F8: variants seen among roughly 807,000 people sequenced by gnomAD.
F8 encodes the protein antihemophilic factor.
F8 carries 12 observed loss-of-function variants against 140.6 expected under a neutral mutation model. The observed-to-expected ratio is 0.09, with a 90% CI of 0.05 to 0.14. F8 has a LOEUF of 0.14. Among genes scored for constraint, F8 ranks in the 10% least tolerant of loss-of-function variants. F8 has a pLI of 1.00. For synonymous variants in F8, 585 were observed against 614.6 expected, an observed-to-expected ratio of 0.95 and a Z score of 0.71; for missense variants, 1,354 against 1,720.7, an observed-to-expected ratio of 0.79 and a Z score of 3.77.
chrX:154,841,835 A>G lies in F8; in HGVS notation c.6901-4083T>C, dbSNP rs782182971. ...CCATATTGCTAATATTTTGTTTGGG[A>G]TTTATGTTTATGAATAAAACGGGCC... On this transcript the variant is annotated intron_variant, in intron 25 of 25. Coordinates refer to ENST00000360256, the MANE Select transcript of F8 (RefSeq NM_000132.4). Among the ~76,000 whole-genome samples, 5 of 111,515 alleles carry G rather than the reference A, an allele frequency of 4.5e-5. No individual in the cohort carries two copies. The South Asian group carries it at 1.9e-3, about 41-fold the overall frequency.
At chrX:154,942,922 G>T (rs1359325073) in intron 13 of F8, among the ~76,000 whole-genome samples, 1 of 108,346 alleles carries the variant, frequency 9.2e-6, no homozygotes, top group Non-Finnish European at 1.9e-5. Context: ...AAAACCACAT[G>T]ATTATCTCAA....
chrX:154,921,291 C>A lies in F8; in HGVS notation c.5219+7280G>T, dbSNP rs782765723. 5.4e-5 allele frequency among the ~76,000 whole-genome samples: 6 copies of A among 112,111 alleles called. No homozygotes were observed. In the East Asian group the frequency reaches 1.7e-3, roughly 31 times the overall value. ...ACACATGAAAATATGCTCATCATCACTGGCCATCAGAGAAATGCAAATCAA... is the reference window on the plus strand; with the variant it reads ...ACACATGAAAATATGCTCATCATCAATGGCCATCAGAGAAATGCAAATCAA... On this transcript the variant is annotated intron_variant, in intron 14 of 25. Coordinates refer to ENST00000360256, the MANE Select transcript of F8 (RefSeq NM_000132.4).
chrX:154,969,434 C>T lies in F8; in HGVS notation c.906G>A (p.Gln302=), dbSNP rs1557282349. The change falls in exon 7 of 26, where the codon CAG becomes CAA. Residue 302 remains glutamine (Q), a synonymous_variant. Coordinates refer to ENST00000360256, the MANE Select transcript of F8 (RefSeq NM_000132.4). ...GHTFLVRNHR[Q]ASLEISPITF... ...TTATTGGCGAGATTTCCAAGGACGC[C>T]TGGCGATGGTTCCTCACAAGAAATG... 8.3e-7 allele frequency: 1 copy of T among 1,211,351 alleles called. No individual in the cohort carries two copies. Among genetic ancestry groups the T allele is most frequent in the Non-Finnish European group, 1.1e-6 (1 of 895,260 alleles).
At chrX:154,944,008 T>A (rs1436042920) in intron 13 of F8, among the ~76,000 whole-genome samples, 2 of 111,643 alleles carry the variant, frequency 1.8e-5, no homozygotes, top group Admixed American at 1.9e-4. Flanking sequence ...CACCTTATAC[T>A]AAAATTAATT....
rs2073171672 is a variant in F8 at position 154,928,489 on chromosome X, C to T, written c.5219+82G>A. ...TCAAGACACCTTGATTTTTCATCCT[C>T]TAACTCTCATTGTTGGTGTCATCAT... On this transcript the variant is annotated intron_variant, in intron 14 of 25. Transcript: ENST00000360256. 3.4e-5 allele frequency: 30 copies of T among 874,072 alleles called. No individual in the cohort carries two copies. In the South Asian group the frequency reaches 6.2e-4, roughly 18 times the overall value. 72.0% of individuals were successfully genotyped at this position (874,072 alleles called of 1,213,427 possible).
chrX:154,921,809 C>T (rs1374456790), intron 14 of F8, among the ~76,000 whole-genome samples: 1 of 103,561 alleles, frequency 9.7e-6, no homozygotes, highest in Non-Finnish European at 1.9e-5. Context: ...TGTTCTCACT[C>T]ATAGGTGGGA....
In F8 at chrX:154,836,940, C is replaced by G. The variant is rs1557270972; in HGVS notation, c.*657G>C. 1 of 112,730 alleles carries G rather than the reference C, an allele frequency of 8.9e-6. No individual in the cohort carries two copies. Among genetic ancestry groups the G allele is most frequent in the Non-Finnish European group, 1.9e-5 (1 of 53,734 alleles). The allele number at this position is 112,730 out of a possible 1,213,427, so 9.3% of individuals were successfully genotyped here. A position where few individuals can be genotyped will look rare whatever the true frequency, so the allele number is the denominator to read the frequency against. On this transcript the variant is annotated 3_prime_UTR_variant, in exon 26 of 26. Coordinates refer to ENST00000360256, the MANE Select transcript of F8 (RefSeq NM_000132.4). ...GGACTTAGGGATTCTTGAACCCCAT[C>G]TATAATTCTCAGTTTAAGAATGCTA...
rs1417320623 is a variant in F8 at position 154,896,149 on chromosome X, C to T, written c.6357G>A (p.Gln2119=). Residue 2119 remains glutamine, a synonymous_variant, in exon 22 of 26, where the codon CAG becomes CAA. Coordinates refer to ENST00000360256, the MANE Select transcript of F8 (RefSeq NM_000132.4). ...RQKFSSLYIS[Q]FIIMYSLDGK... The stretch of plus-strand genomic sequence containing the variant: ...CATCAAGACTATACATGATGATAAA[C>T]TGAGAGATGTAGAGGCTGGAGAACT... 8.3e-7 allele frequency: 1 copy of T among 1,208,453 alleles called. No individual in the cohort carries two copies. Among genetic ancestry groups the T allele is most frequent in the East Asian group, 3.0e-5 (1 of 33,788 alleles).
chrX:154,991,215 G>A (rs1209550801), intron 4 of F8, among the ~76,000 whole-genome samples: 3 of 112,013 alleles, frequency 2.7e-5, no homozygotes, highest in African/African-American at 6.5e-5. Context: ...CCCCTCCCAC[G>A]CTCTCTGAGC....
intron 13 of F8, among the ~76,000 whole-genome samples, chrX:154,942,946 G>A (rs1373751554): frequency 1.8e-5 from 2 of 108,551 alleles, no homozygotes; most frequent in East Asian, 2.8e-4. Flanking sequence ...ATGCAGAAAA[G>A]GCCTTTGACA....
chrX:154,920,075 C>T (rs1557277426), intron 14 of F8: 2 of 163,809 alleles, frequency 1.2e-5, no homozygotes, highest in African/African-American at 6.2e-5. Context: ...CATTGCAACA[C>T]AAGCAAATCT....
chrX:154,888,405 TTCC>T (rs1210032330), intron 22 of F8, among the ~76,000 whole-genome samples: 78 of 85,174 alleles, frequency 9.2e-4, no homozygotes, highest in South Asian at 3.8e-3. Flanking sequence ...TTTTTTTTTT[TTCC>T]CCCCGAGATG....
At position 154,836,768 on chromosome X, in the gene F8, T is replaced by C. The variant is rs2072478420; in HGVS notation, c.*829A>G. 1.8e-5 allele frequency: 2 copies of C among 112,288 alleles called. No homozygotes were observed. Among genetic ancestry groups the C allele is most frequent in the African/African-American group, 6.5e-5 (2 of 30,890 alleles). 9.3% of individuals were successfully genotyped at this position (112,288 alleles called of 1,213,427 possible). ...ATCACAAATTTCAAGAAGACATTGT[T>C]ATTTTATTTCAAAGCTTTCAACAAT... On this transcript the variant is annotated 3_prime_UTR_variant, in exon 26 of 26. Coordinates refer to ENST00000360256, the MANE Select transcript of F8 (RefSeq NM_000132.4).
At chrX:154,849,976 C>T (rs954671393) in intron 25 of F8, among the ~76,000 whole-genome samples, 8 of 110,553 alleles carry the variant, frequency 7.2e-5, no homozygotes, top group Admixed American at 3.9e-4. Flanking sequence ...TTGCTGTTGT[C>T]ATATGTTCTA....
chrX:154,847,579 C>A (rs2072578095), intron 25 of F8, among the ~76,000 whole-genome samples: 2 of 112,469 alleles, frequency 1.8e-5, no homozygotes, highest in African/African-American at 6.5e-5. Flanking sequence ...ATCGCATCGG[C>A]TACTAAAGCT....
intron 9 of F8, 68 bp downstream of exon 9, chrX:154,965,902 A>T (rs782791657): frequency 1.9e-6 from 2 of 1,061,577 alleles, no homozygotes; most frequent in South Asian, 1.9e-5. Context: ...ATTATGAGGT[A>T]TTTTAGAAAC....
chrX:154,894,396 T>C (rs1325869016), intron 22 of F8, among the ~76,000 whole-genome samples: 1 of 112,549 alleles, frequency 8.9e-6, no homozygotes, highest in Admixed American at 9.3e-5. Flanking sequence ...CCTTGTTAAC[T>C]GTAACACTCA....
At chrX:154,943,700 C>T (rs189714415) in intron 13 of F8, among the ~76,000 whole-genome samples, 35 of 111,401 alleles carry the variant, frequency 3.1e-4, no homozygotes, top group African/African-American at 9.8e-4. Flanking sequence ...AAAAAGAGCC[C>T]GCATCGCCAA....
At chrX:154,898,428 G>A (rs1475850732) in intron 21 of F8, among the ~76,000 whole-genome samples, 1 of 112,308 alleles carries the variant, frequency 8.9e-6, no homozygotes, top group African/African-American at 3.2e-5. Context: ...ATTACCACAA[G>A]TGAACAGTGA....
Sources: gnomAD v4.1 joint callset for allele counts (sites outside exome capture counted in the v4.1 genomes callset) on GRCh38, gnomAD v4.1.1 for gene constraint, MANE v1.5 for transcripts, NCBI Gene and HGNC (gene_info 2026-07-23, HGNC 2026-07-21) for gene names.